INPP4B: variants seen among roughly 807,000 people sequenced by gnomAD.
INPP4B encodes the protein inositol polyphosphate-4-phosphatase type II B.
In INPP4B, 55 loss-of-function variants were observed where a neutral mutation model predicts 122.5. The ratio of observed to expected loss-of-function variants is 0.45; its 90% CI spans 0.36 to 0.56. INPP4B has a LOEUF of 0.56. Ranked by LOEUF, INPP4B falls within the 20% of genes least tolerant of loss-of-function variation. The probability of loss-of-function intolerance (pLI) is 0.00; values close to 1 mark genes in which losing one functional copy is unlikely to be tolerated. For synonymous variants in INPP4B, 403 were observed against 388.7 expected, an observed-to-expected ratio of 1.04 and a Z score of -0.43; for missense variants, 1,000 against 1,097.7, an observed-to-expected ratio of 0.91 and a Z score of 1.26.
intron 2 of INPP4B, among the ~76,000 whole-genome samples, chr4:142,606,496 A>G (rs1741294267): frequency 6.6e-6 from 1 of 152,008 alleles, no homozygotes; most frequent in African/African-American, 2.4e-5. Context: ...TTCTTTGCAT[A>G]TAAAAACACT....
chr4:142,129,893 T>C (rs1800455330), intron 18 of INPP4B, among the ~76,000 whole-genome samples: 2 of 152,184 alleles, frequency 1.3e-5, no homozygotes, highest in South Asian at 2.1e-4. Context: ...TGGACAAAGA[T>C]AGTGTCTTCT....
intron 15 of INPP4B, among the ~76,000 whole-genome samples, chr4:142,191,508 T>C (rs1000190738): frequency 8.5e-5 from 13 of 152,176 alleles, no homozygotes; most frequent in Admixed American, 6.5e-5. Context: ...CCCACATCAG[T>C]AGGGATGGCA....
chr4:142,617,782 T>C (rs1403613913), intron 2 of INPP4B, among the ~76,000 whole-genome samples: 1 of 152,062 alleles, frequency 6.6e-6, no homozygotes, highest in Admixed American at 6.6e-5. Context: ...TAGAAAACCC[T>C]GTTTAGAGGA....
chr4:142,240,226 G>T (rs1858686614), intron 11 of INPP4B, among the ~76,000 whole-genome samples: 1 of 151,214 alleles, frequency 6.6e-6, no homozygotes, highest in Admixed American at 6.6e-5. Flanking sequence ...TAAAGACAGG[G>T]TTTCACCATT....
chr4:142,692,335 A>G lies in INPP4B; in HGVS notation c.-191+33504T>C, dbSNP rs138727404. On this transcript the variant is annotated intron_variant, in intron 2 of 25. Coordinates refer to ENST00000262992, the MANE Select transcript of INPP4B (RefSeq NM_001101669.3). ...AATATTAATAGGAAGTATCCTTTCA[A>G]TGTTTAATAATTTTCCACCTTCTAT... Among the ~76,000 whole-genome samples the G allele has an allele frequency of 2.3e-3, 351 of 152,334 alleles. 6 individuals are homozygous for G. The highest frequency in any genetic ancestry group is 8.2e-3 in the African/African-American group (340 of 41,590).
chr4:142,423,925 T>G (rs756251201), intron 5 of INPP4B: 3 of 339,102 alleles, frequency 8.8e-6, no homozygotes, highest in Non-Finnish European at 1.7e-5. Context: ...ACTGTTTTCA[T>G]TTTCCTTCTA....
chr4:142,133,483 T>C (rs79348411), intron 18 of INPP4B, among the ~76,000 whole-genome samples: 5,358 of 152,310 alleles, frequency 0.035, 134 homozygotes, highest in Non-Finnish European at 0.057. Context: ...TCTAACTGCC[T>C]ATATCTGGTT....
At chr4:142,355,993 C>G (rs1213959180) in intron 7 of INPP4B, among the ~76,000 whole-genome samples, 3 of 151,396 alleles carry the variant, frequency 2.0e-5, no homozygotes, top group African/African-American at 4.9e-5. Flanking sequence ...CCAATAGATA[C>G]TACTGGGGCT....
At chr4:142,447,308 T>C (rs1229142612) in intron 3 of INPP4B, among the ~76,000 whole-genome samples, 1 of 152,074 alleles carries the variant, frequency 6.6e-6, no homozygotes, top group Admixed American at 6.6e-5. Context: ...GTGGACACAG[T>C]GTTGGGATTT....
intron 2 of INPP4B, among the ~76,000 whole-genome samples, chr4:142,632,207 A>T (rs1284013083): frequency 6.6e-6 from 1 of 152,160 alleles, no homozygotes; most frequent in African/African-American, 2.4e-5. Context: ...AGCATCCGAC[A>T]TGGGGTCACC....
intron 2 of INPP4B, among the ~76,000 whole-genome samples, chr4:142,492,454 A>G (rs894064854): frequency 1.3e-5 from 2 of 152,134 alleles, no homozygotes; most frequent in African/African-American, 4.8e-5. Context: ...AGAAGACAGG[A>G]AGATGTGAGA....
At chr4:142,061,879 CACACACATATATATATATATATATAT>C (rs1760879417) in intron 25 of INPP4B, among the ~76,000 whole-genome samples, 2 of 8,402 alleles carry the variant, frequency 2.4e-4, no homozygotes, top group African/African-American at 3.4e-4. Context: ...CACACACACA[CACACACATATATATATATATATATAT>C]ATATATATAT....
At chr4:142,030,269 A>G (rs1186048156) in intron 25 of INPP4B, 1 of 1,535,548 alleles carries the variant, frequency 6.5e-7, no homozygotes, top group Non-Finnish European at 8.7e-7. Flanking sequence ...TTTCAGGATC[A>G]TCGGATTCAT....
At chr4:142,746,775 G>C (rs1241852471) in intron 1 of INPP4B, among the ~76,000 whole-genome samples, 1 of 152,088 alleles carries the variant, frequency 6.6e-6, no homozygotes, top group East Asian at 1.9e-4. Context: ...ATGGGGAAAG[G>C]ATTCCCTATT....
At chr4:142,548,419 A>G (rs1427972992) in intron 2 of INPP4B, among the ~76,000 whole-genome samples, 1 of 152,230 alleles carries the variant, frequency 6.6e-6, no homozygotes, top group Non-Finnish European at 1.5e-5. Context: ...CTGAAATACA[A>G]ATGAAAAGAT....
intron 2 of INPP4B, among the ~76,000 whole-genome samples, chr4:142,713,240 A>G (rs1246016534): frequency 6.6e-6 from 1 of 152,200 alleles, no homozygotes; most frequent in Non-Finnish European, 1.5e-5. Context: ...TGAAAGTACA[A>G]GTTTATGGGA....
chr4:142,648,846 T>C (rs985859973), intron 2 of INPP4B, among the ~76,000 whole-genome samples: 17 of 152,148 alleles, frequency 1.1e-4, no homozygotes, highest in African/African-American at 3.9e-4. Context: ...CAGCTGTAGT[T>C]CTCCCAGCAT....
At chr4:142,389,251 G>GAAAAAAAAAAAAAAAA (rs199976631) in intron 7 of INPP4B, among the ~76,000 whole-genome samples, 2 of 89,512 alleles carry the variant, frequency 2.2e-5, no homozygotes, top group Non-Finnish European at 5.1e-5. Flanking sequence ...CTCCATCTCA[G>GAAAAAAAAAAAAAAAA]AAAAAAAAAA....
intron 7 of INPP4B, among the ~76,000 whole-genome samples, chr4:142,360,833 A>G (rs1785140928): frequency 3.3e-5 from 5 of 151,966 alleles, no homozygotes. Flanking sequence ...TCTAATTGTC[A>G]TACGAATACA....
Sources: gnomAD v4.1 joint callset for allele counts (sites outside exome capture counted in the v4.1 genomes callset) on GRCh38, gnomAD v4.1.1 for gene constraint, MANE v1.5 for transcripts, NCBI Gene and HGNC (gene_info 2026-07-23, HGNC 2026-07-21) for gene names.